Variants in NRXN1 observed in about 807,000 individuals in gnomAD.
NRXN1 encodes the protein neurexin-1.
In NRXN1, 39 loss-of-function variants were observed where a neutral mutation model predicts 150.9. That is an observed-to-expected ratio of 0.26 (90% confidence interval 0.20 to 0.34). NRXN1 has a LOEUF of 0.34. Among genes scored for constraint, NRXN1 ranks in the 10% least tolerant of loss-of-function variants. The pLI is 1.00. For missense variants in NRXN1, 1,815 were observed against 1,949.9 expected, an observed-to-expected ratio of 0.93 and a Z score of 1.30; for synonymous variants, 924 against 757.0, an observed-to-expected ratio of 1.22 and a Z score of -3.62.
intron 18 of NRXN1, among the ~76,000 whole-genome samples, chr2:50,126,709 G>A (rs896835925): frequency 9.9e-5 from 15 of 151,736 alleles, no homozygotes; most frequent in Admixed American, 2.6e-4. Flanking sequence ...AACAGAAACT[G>A]TGCCCAGAAA....
rs563307539 is a variant in NRXN1, at chr2:50,975,478, A to T, written c.773-49523T>A. ...GCAAACTGGCACCAAATGTCTTACAACAAATTAGCTGTGATTCTACTATTT... is the reference window on the plus strand; with the variant it reads ...GCAAACTGGCACCAAATGTCTTACATCAAATTAGCTGTGATTCTACTATTT... On this transcript the variant is annotated intron_variant, in intron 2 of 22. Transcript: ENST00000401669. Among the ~76,000 whole-genome samples, 5 of 152,260 alleles carry T rather than the reference A, an allele frequency of 3.3e-5. No homozygotes were observed. In the East Asian group the frequency reaches 7.7e-4, roughly 24 times the overall value.
At chr2:50,005,215 C>T (rs1375701415) in intron 21 of NRXN1, among the ~76,000 whole-genome samples, 1 of 152,042 alleles carries the variant, frequency 6.6e-6, no homozygotes, top group Admixed American at 6.6e-5. Flanking sequence ...TATAACTACA[C>T]ACTAGGAAGA....
At chr2:50,856,025 C>T (rs1307389423) in intron 5 of NRXN1, among the ~76,000 whole-genome samples, 17 of 138,716 alleles carry the variant, frequency 1.2e-4, no homozygotes, top group African/African-American at 4.0e-4. Context: ...CACGAGTAGC[C>T]TTTTTTTTTT....
intron 17 of NRXN1, among the ~76,000 whole-genome samples, chr2:50,454,303 G>A (rs1212304188): frequency 6.6e-6 from 1 of 152,066 alleles, no homozygotes. Context: ...TCCAGCAAGG[G>A]TGACAGAGTG....
chr2:50,012,811 T>C (rs780229806), intron 21 of NRXN1, among the ~76,000 whole-genome samples: 3 of 152,170 alleles, frequency 2.0e-5, no homozygotes, highest in African/African-American at 4.8e-5. Context: ...TCCATTTTTT[T>C]TATAATGTAG....
Position 51,027,912 on chromosome 2 carries a change from C to T in NRXN1, c.362G>A (p.Arg121His). 1.2e-6 allele frequency: 2 copies of T among 1,608,202 alleles called. No individual in the cohort carries two copies. Among genetic ancestry groups the T allele is most frequent in the Non-Finnish European group, 1.7e-6 (2 of 1,179,668 alleles). ...GAAGAGCGTGGTGTTGCGGAACTGG[C>T]GGCGGATGCGCACGCTGTGCCAGGC... ...DGAWHSVRIR[R>H]QFRNTTLFID... Residue 121 changes from arginine to histidine, a missense_variant, in exon 2 of 23, where the codon CGC becomes CAC. Physicochemically the swap from Arg to His is conservative, Grantham distance 29. Transcript: ENST00000401669.
intron 9 of NRXN1, 65 bp from the exon 10 acceptor site, chr2:50,538,701 T>G: frequency 7.7e-7 from 1 of 1,305,914 alleles, no homozygotes; most frequent in Non-Finnish European, 1.0e-6. Flanking sequence ...ATTATCTTTC[T>G]CTCTTTCGTC....
rs1200839068 is a variant in NRXN1 at position 50,081,591 on chromosome 2, T to TA, written c.3718+9731dup. Among the ~76,000 whole-genome samples the TA allele has an allele frequency of 3.3e-5, 5 of 152,256 alleles. No homozygotes were observed. In the East Asian group the frequency reaches 9.7e-4, roughly 29 times the overall value. On this transcript the variant is annotated intron_variant, in intron 19 of 22. Transcript: ENST00000401669. Reference sequence around the variant, plus strand: ...ACAACTTATTCTTGAGCTTACAAGATACGAAAAGTGGGTAGACAGTGGACA... The same window carrying TA: ...ACAACTTATTCTTGAGCTTACAAGATAACGAAAAGTGGGTAGACAGTGGACA...
intron 6 of NRXN1, among the ~76,000 whole-genome samples, chr2:50,622,597 A>T (rs976665192): frequency 6.6e-6 from 1 of 152,186 alleles, no homozygotes; most frequent in Non-Finnish European, 1.5e-5. Flanking sequence ...TTCATTAAAA[A>T]CATACAGTAT....
At chr2:50,083,313 T>A (rs2152686651) in intron 19 of NRXN1, among the ~76,000 whole-genome samples, 1 of 152,318 alleles carries the variant, frequency 6.6e-6, no homozygotes, top group South Asian at 2.1e-4. Flanking sequence ...TTAGAAAACA[T>A]CTGCATTATC....
chr2:50,427,363 C>CAA (rs35782406), intron 17 of NRXN1, among the ~76,000 whole-genome samples: 55 of 101,214 alleles, frequency 5.4e-4, no homozygotes, highest in East Asian at 2.6e-3. Context: ...TATATTCTGC[C>CAA]AAAAAAAAAA....
At chr2:50,309,717 CA>C (rs1440870891) in intron 17 of NRXN1, among the ~76,000 whole-genome samples, 3 of 152,124 alleles carry the variant, frequency 2.0e-5, no homozygotes, top group African/African-American at 7.2e-5. Flanking sequence ...TCTCTGATGC[CA>C]CTATGGGACC....
At chr2:50,755,276 T>G (rs566975459) in intron 5 of NRXN1, among the ~76,000 whole-genome samples, 5 of 151,962 alleles carry the variant, frequency 3.3e-5, no homozygotes, top group African/African-American at 1.2e-4. Context: ...CTCAATTAAG[T>G]CAGTAACCTC....
chr2:50,144,690 A>G (rs1319314703), intron 18 of NRXN1, among the ~76,000 whole-genome samples: 1 of 151,838 alleles, frequency 6.6e-6, no homozygotes, highest in Non-Finnish European at 1.5e-5. Context: ...AAACAGGGCC[A>G]ATAAAAACAG....
intron 17 of NRXN1, among the ~76,000 whole-genome samples, chr2:50,388,275 G>T (rs1411236956): frequency 6.6e-6 from 1 of 152,132 alleles, no homozygotes; most frequent in Non-Finnish European, 1.5e-5. Flanking sequence ...GCACAGGGCT[G>T]ATATCAACCA....
intron 17 of NRXN1, among the ~76,000 whole-genome samples, chr2:50,457,572 G>T (rs2087700766): frequency 6.6e-6 from 1 of 151,920 alleles, no homozygotes. Flanking sequence ...CAAAGAAAAA[G>T]TAATAACCAG....
intron 18 of NRXN1, among the ~76,000 whole-genome samples, chr2:50,130,367 T>G (rs565673829): frequency 6.6e-6 from 1 of 152,168 alleles, no homozygotes; most frequent in South Asian, 2.1e-4. Flanking sequence ...TTCTTAGGCA[T>G]CCTCTTCTCA....
At chr2:50,934,723 C>A (rs1287282507) in intron 2 of NRXN1, among the ~76,000 whole-genome samples, 1 of 152,132 alleles carries the variant, frequency 6.6e-6, no homozygotes, top group East Asian at 1.9e-4. Flanking sequence ...AATTAAAATG[C>A]ATGATGGTTT....
At chr2:50,776,526 T>A (rs1703656502) in intron 5 of NRXN1, among the ~76,000 whole-genome samples, 2 of 151,716 alleles carry the variant, frequency 1.3e-5, no homozygotes, top group Non-Finnish European at 2.9e-5. Context: ...TCCTTGCATA[T>A]CAACAATTGA....
Sources: gnomAD v4.1 joint callset for allele counts (sites outside exome capture counted in the v4.1 genomes callset) on GRCh38, gnomAD v4.1.1 for gene constraint, MANE v1.5 for transcripts, NCBI Gene and HGNC (gene_info 2026-07-23, HGNC 2026-07-21) for gene names.